SLC12A8: variants seen among roughly 807,000 people sequenced by gnomAD.
SLC12A8 encodes cation-chloride cotransporter 9.
A neutral mutation model predicts 75.6 loss-of-function variants in SLC12A8; 69 were observed. The observed-to-expected ratio is 0.91, with a 90% CI of 0.75 to 1.11. The LOEUF (loss-of-function observed/expected upper bound fraction) is 1.11. Among genes scored for constraint, SLC12A8 ranks in the 50% most tolerant of loss-of-function variants. The probability of loss-of-function intolerance (pLI) is 0.00; values close to 1 mark genes in which losing one functional copy is unlikely to be tolerated. For missense variants in SLC12A8, 877 were observed against 896.7 expected (o/e 0.98, Z 0.28); for synonymous variants, 365 against 372.8 (o/e 0.98, Z 0.24).
chr3:125,180,361 T>A (rs1934632239), intron 4 of SLC12A8, among the ~76,000 whole-genome samples: 1 of 152,196 alleles, frequency 6.6e-6, no homozygotes, highest in African/African-American at 2.4e-5. Context: ...CTGTGAGAAC[T>A]AAATGAGATG....
At position 125,166,520 on chromosome 3, in the gene SLC12A8, G is replaced by A. The variant is rs144103444; in HGVS notation, c.622+11223C>T. On this transcript the variant is annotated intron_variant, in intron 5 of 13. Coordinates refer to ENST00000469902, the MANE Select transcript of SLC12A8 (RefSeq NM_024628.6). Reference sequence around the variant, plus strand: ...AAATAAAGCCCAAGCCCCGCTGGGTGGCAGACAAGGCCTCTGCGTCCGTCT... The same window carrying A: ...AAATAAAGCCCAAGCCCCGCTGGGTAGCAGACAAGGCCTCTGCGTCCGTCT... 1.6e-3 allele frequency among the ~76,000 whole-genome samples: 240 copies of A among 152,288 alleles called. 1 individual carries two copies. Among genetic ancestry groups the A allele is most frequent in the East Asian group, 3.9e-3 (20 of 5,188 alleles).
At chr3:125,195,927 G>A (rs760972460) in intron 2 of SLC12A8, among the ~76,000 whole-genome samples, 1 of 152,110 alleles carries the variant, frequency 6.6e-6, no homozygotes, top group East Asian at 1.9e-4. Context: ...ACAGGCTGCC[G>A]CTAGGAAGTC....
intron 5 of SLC12A8, among the ~76,000 whole-genome samples, chr3:125,162,332 C>A (rs906887913): frequency 6.6e-6 from 1 of 152,270 alleles, no homozygotes; most frequent in Non-Finnish European, 1.5e-5. Flanking sequence ...GTCCTCAAGG[C>A]TCTCATGTTG....
chr3:125,208,285 C>A (rs976415531), intron 2 of SLC12A8, among the ~76,000 whole-genome samples: 1 of 152,164 alleles, frequency 6.6e-6, no homozygotes, highest in Non-Finnish European at 1.5e-5. Context: ...GGAACAATGT[C>A]CCACATTCTG....
At chr3:125,159,265 G>T (rs75044720) in intron 5 of SLC12A8, among the ~76,000 whole-genome samples, 1,671 of 151,988 alleles carry the variant, frequency 0.011, 39 homozygotes, top group African/African-American at 0.036. Flanking sequence ...ATATATCAAA[G>T]AACTTTTTTT....
At chr3:125,086,646 T>C (rs1938467357) in intron 13 of SLC12A8, among the ~76,000 whole-genome samples, 1 of 152,220 alleles carries the variant, frequency 6.6e-6, no homozygotes, top group African/African-American at 2.4e-5. Context: ...GACTGGGTTG[T>C]AGGGGAGAAG....
chr3:125,122,562 G>A (rs1276342488), intron 6 of SLC12A8, among the ~76,000 whole-genome samples: 3 of 152,262 alleles, frequency 2.0e-5, no homozygotes, highest in Non-Finnish European at 2.9e-5. Flanking sequence ...TAATACCGAG[G>A]AAAAGAGAAG....
At chr3:125,191,936 T>C (rs553156066) in intron 2 of SLC12A8, among the ~76,000 whole-genome samples, 1 of 152,294 alleles carries the variant, frequency 6.6e-6, no homozygotes, top group East Asian at 1.9e-4. Flanking sequence ...ATGAGCAATC[T>C]CCTGAAAGTC....
chr3:125,091,813 C>T (rs181038229), intron 11 of SLC12A8, among the ~76,000 whole-genome samples: 1 of 152,232 alleles, frequency 6.6e-6, no homozygotes, highest in Admixed American at 6.5e-5. Flanking sequence ...CCATTCCTCC[C>T]TATAAGAAAC....
chr3:125,113,907 C>T lies in SLC12A8; in HGVS notation c.913-3572G>A, dbSNP rs115058468. Among the ~76,000 whole-genome samples the T allele has an allele frequency of 3.9e-3, 588 of 152,302 alleles. 5 individuals are homozygous for T. The highest frequency in any genetic ancestry group is 0.013 in the African/African-American group (555 of 41,558). On this transcript the variant is annotated intron_variant, in intron 8 of 13. Transcript: ENST00000469902. ...GCTCATTCATTGGCTGCTCTCTTCT[C>T]TCAAAGGACTGGATTTAAAGTCATT...
At chr3:125,145,367 C>T (rs1405151979) in intron 5 of SLC12A8, among the ~76,000 whole-genome samples, 1 of 152,144 alleles carries the variant, frequency 6.6e-6, no homozygotes, top group African/African-American at 2.4e-5. Context: ...AAATATAAAA[C>T]ATTAATAATA....
At chr3:125,144,912 A>G (rs1933735381) in intron 5 of SLC12A8, among the ~76,000 whole-genome samples, 2 of 152,164 alleles carry the variant, frequency 1.3e-5, no homozygotes, top group African/African-American at 2.4e-5. Context: ...CCTCCTGCCA[A>G]GCACCAGGCT....
At chr3:125,138,607 G>C (rs1933550604) in intron 5 of SLC12A8, among the ~76,000 whole-genome samples, 1 of 152,152 alleles carries the variant, frequency 6.6e-6, no homozygotes, top group Non-Finnish European at 1.5e-5. Flanking sequence ...ATACATGTAA[G>C]AAACAGCTAG....
intron 2 of SLC12A8, among the ~76,000 whole-genome samples, chr3:125,199,012 T>G (rs1004114313): frequency 3.0e-4 from 46 of 151,964 alleles, no homozygotes; most frequent in Non-Finnish European, 6.3e-4. Flanking sequence ...TCTCCTGACC[T>G]CGTGATCCAC....
At chr3:125,187,152 C>A in intron 4 of SLC12A8, 85 bp downstream of exon 4, 10 of 1,428,442 alleles carry the variant, frequency 7.0e-6, no homozygotes, top group Non-Finnish European at 9.7e-6. Flanking sequence ...CCCACCCTCG[C>A]TTCTCCCCAG....
intron 10 of SLC12A8, among the ~76,000 whole-genome samples, chr3:125,095,106 T>C (rs1938682223): frequency 6.6e-6 from 1 of 152,160 alleles, no homozygotes; most frequent in Non-Finnish European, 1.5e-5. Context: ...AGAGATTTCT[T>C]CTAGTCTCAT....
Position 125,197,588 on chromosome 3 carries a change from G to A in SLC12A8, c.52-7067C>T, listed in dbSNP as rs148196885. Among the ~76,000 whole-genome samples, 544 of 152,272 alleles carry A rather than the reference G, an allele frequency of 3.6e-3. 4 individuals are homozygous for A. Among genetic ancestry groups the A allele is most frequent in the African/African-American group, 0.013 (526 of 41,560 alleles). On this transcript the variant is annotated intron_variant, in intron 2 of 13. Coordinates refer to ENST00000469902, the MANE Select transcript of SLC12A8 (RefSeq NM_024628.6). ...ATTACAGGTGTGAGCCACCCCACCT[G>A]GCCATGACTAATCATAATATATCTA...
rs1265031410 is a variant in SLC12A8, at chr3:125,108,213, C to A, written c.1060-87G>T. ...CAGAAGTTACAGGCTAGAAACACAA[C>A]TCATAATGACTCAGCCACTTCTCCC... is the stretch of plus-strand genomic sequence containing the variant. On this transcript the variant is annotated intron_variant, in intron 9 of 13. Coordinates refer to ENST00000469902, the MANE Select transcript of SLC12A8 (RefSeq NM_024628.6). 6.2e-6 allele frequency: 8 copies of A among 1,287,244 alleles called. No homozygotes were observed. The African/African-American group carries it at 8.9e-5, about 14-fold the overall frequency. The allele number at this position is 1,287,244 out of a possible 1,614,324, so 79.7% of individuals were successfully genotyped here. A position where few individuals can be genotyped will look rare whatever the true frequency, so the allele number is the denominator to read the frequency against.
At chr3:125,152,713 G>C (rs1269313554) in intron 5 of SLC12A8, among the ~76,000 whole-genome samples, 1 of 152,146 alleles carries the variant, frequency 6.6e-6, no homozygotes, top group African/African-American at 2.4e-5. Flanking sequence ...ACTCTTCCAG[G>C]AGGGTATTTC....
Sources: gnomAD v4.1 joint callset for allele counts (sites outside exome capture counted in the v4.1 genomes callset) on GRCh38, gnomAD v4.1.1 for gene constraint, MANE v1.5 for transcripts, NCBI Gene and HGNC (gene_info 2026-07-23, HGNC 2026-07-21) for gene names.